Variants in ARHGEF28 observed in about 807,000 individuals in gnomAD.
The protein encoded by ARHGEF28 is 190 kDa guanine nucleotide exchange factor.
In ARHGEF28, 152 loss-of-function variants were observed where a neutral mutation model predicts 206.6. The observed-to-expected ratio is 0.74, with a 90% CI of 0.64 to 0.84. The LOEUF is 0.84. Ranked by LOEUF, ARHGEF28 falls within the 40% of genes least tolerant of loss-of-function variation. The probability of loss-of-function intolerance (pLI) is 0.00; values close to 1 mark genes in which losing one functional copy is unlikely to be tolerated. For missense variants in ARHGEF28, 2,028 were observed against 2,073.2 expected (o/e 0.98, Z 0.42); for synonymous variants, 763 against 776.4 (o/e 0.98, Z 0.29).
chr5:73,661,538 G>A (rs1220198237), intron 1 of ARHGEF28, among the ~76,000 whole-genome samples: 2 of 152,012 alleles, frequency 1.3e-5, no homozygotes, highest in East Asian at 1.9e-4. Flanking sequence ...GGCTTTTGAT[G>A]TGCCTTTCTC....
Position 73,776,524 on chromosome 5 carries a change from G to A in ARHGEF28, c.668G>A (p.Gly223Asp), listed in dbSNP as rs752794486. ...KLVEDVTNFQ[G>D]RWSPSFSRVQ... is the part of the protein sequence containing the mutation. ...GATTTGTGTTGTTTCAGTTTTCAGGGCAGATGGTCCCCAAGCTTCTCCCGA... is the reference window on the plus strand; with the variant it reads ...GATTTGTGTTGTTTCAGTTTTCAGGACAGATGGTCCCCAAGCTTCTCCCGA... Residue 223 changes from glycine to aspartate, a missense_variant, in exon 6 of 36, where the codon GGC becomes GAC. By Grantham distance (94) the Gly-to-Asp change is moderately conservative (BLOSUM62 -1). Transcript: ENST00000513042. The A allele has an allele frequency of 2.5e-6, 4 of 1,610,334 alleles. No individual in the cohort carries two copies. Among genetic ancestry groups the A allele is most frequent in the South Asian group, 2.2e-5 (2 of 90,500 alleles).
At chr5:73,665,839 A>T (rs983132089) in intron 1 of ARHGEF28, among the ~76,000 whole-genome samples, 4 of 152,186 alleles carry the variant, frequency 2.6e-5, no homozygotes, top group Admixed American at 2.6e-4. Flanking sequence ...TGGAGGACAC[A>T]TTCAAACCAT....
At chr5:73,678,666 A>G (rs1746855450) in intron 1 of ARHGEF28, among the ~76,000 whole-genome samples, 1 of 152,286 alleles carries the variant, frequency 6.6e-6, no homozygotes, top group Non-Finnish European at 1.5e-5. Context: ...TGAGCTTGCC[A>G]CACGCCACAG....
intron 1 of ARHGEF28, among the ~76,000 whole-genome samples, chr5:73,678,309 A>G (rs1746827467): frequency 6.6e-6 from 1 of 152,166 alleles, no homozygotes; most frequent in East Asian, 1.9e-4. Context: ...CAAGGAGTGA[A>G]AAGTGGTTGC....
intron 14 of ARHGEF28, among the ~76,000 whole-genome samples, chr5:73,854,724 C>G (rs936595006): frequency 6.6e-6 from 1 of 151,870 alleles, no homozygotes; most frequent in Non-Finnish European, 1.5e-5. Flanking sequence ...CACAGCTACT[C>G]AGGAGGCTGA....
At position 73,898,239 on chromosome 5, in the gene ARHGEF28, T is replaced by C. The variant is rs1762073812; in HGVS notation, c.3973+146T>C. 3 of 987,864 alleles carry C rather than the reference T, an allele frequency of 3.0e-6. No homozygotes were observed. The East Asian group carries it at 9.1e-5, about 30-fold the overall frequency. The allele number at this position is 987,864 out of a possible 1,614,324, so 61.2% of individuals were successfully genotyped here. A position where few individuals can be genotyped will look rare whatever the true frequency, so the allele number is the denominator to read the frequency against. ...ATTAGAAAAAAACTGAGAATAAATA[T>C]GCTAGCCTAAATGAATATCATAGGC... On this transcript the variant is annotated intron_variant, in intron 30 of 35. Transcript: ENST00000513042.
rs1466721135 is a variant in ARHGEF28, at chr5:73,872,987, C to T, written c.2567-12C>T. On this transcript the variant is annotated splice_polypyrimidine_tract_variant and intron_variant, in intron 21 of 35. Transcript: ENST00000513042. The stretch of plus-strand genomic sequence containing the variant: ...AGCTTGTTTAAGGCTTATGTGTGCT[C>T]ACACATTTCAGAGCTAATGCAAACA... 1 of 1,612,838 alleles carries T rather than the reference C, an allele frequency of 6.2e-7. No individual in the cohort carries two copies. The highest frequency in any genetic ancestry group is 1.7e-5 in the Admixed American group (1 of 59,962).
intron 33 of ARHGEF28, 31 bp downstream of exon 33, chr5:73,904,436 T>C: frequency 1.3e-6 from 2 of 1,575,970 alleles, no homozygotes; most frequent in Non-Finnish European, 1.7e-6. Context: ...TTTGACCTTG[T>C]GAATGGTTCT....
chr5:73,708,249 A>G (rs1304123156), intron 2 of ARHGEF28, among the ~76,000 whole-genome samples: 1 of 151,492 alleles, frequency 6.6e-6, no homozygotes, highest in Non-Finnish European at 1.5e-5. Flanking sequence ...GGTTTGTTAC[A>G]TGGGTATATT....
At chr5:73,651,220 G>A (rs1391498055) in intron 1 of ARHGEF28, among the ~76,000 whole-genome samples, 3 of 152,170 alleles carry the variant, frequency 2.0e-5, no homozygotes, top group African/African-American at 7.2e-5. Context: ...GAGCTCTGGA[G>A]TGAGATAGAC....
chr5:73,648,936 C>T (rs1220494381), intron 1 of ARHGEF28, among the ~76,000 whole-genome samples: 2 of 152,198 alleles, frequency 1.3e-5, no homozygotes, highest in Non-Finnish European at 2.9e-5. Context: ...TCACTTCAAT[C>T]AGGCAGTGCC....
At chr5:73,707,328 A>G (rs561245704) in intron 2 of ARHGEF28, among the ~76,000 whole-genome samples, 1 of 152,298 alleles carries the variant, frequency 6.6e-6, no homozygotes, top group South Asian at 2.1e-4. Flanking sequence ...TGGTGTCCGT[A>G]TGTAAAGTGT....
At chr5:73,697,382 G>A (rs1260338131) in intron 2 of ARHGEF28, among the ~76,000 whole-genome samples, 1 of 152,140 alleles carries the variant, frequency 6.6e-6, no homozygotes, top group African/African-American at 2.4e-5. Flanking sequence ...ACTTATAATA[G>A]AATACCTGAA....
In ARHGEF28 at chr5:73,818,008, C is replaced by T. The variant is rs564389757; in HGVS notation, c.1025-14330C>T. On this transcript the variant is annotated intron_variant, in intron 9 of 35. Transcript: ENST00000513042. The stretch of plus-strand genomic sequence containing the variant: ...CCTATACACAGATATAGTACTTAAA[C>T]ACATCATTGGATTGGGATTGGGAAC... Among the ~76,000 whole-genome samples, 4 of 152,242 alleles carry T rather than the reference C, an allele frequency of 2.6e-5. No homozygotes were observed. In the East Asian group the frequency reaches 7.7e-4, roughly 29 times the overall value.
At chr5:73,874,576 AC>A (rs1223019125) in intron 22 of ARHGEF28, among the ~76,000 whole-genome samples, 1 of 43,354 alleles carries the variant, frequency 2.3e-5, no homozygotes, top group East Asian at 8.5e-4. Flanking sequence ...CCCTCCCCCC[AC>A]CCCACAACAG....
At chr5:73,647,226 G>A (rs1744490426) in intron 1 of ARHGEF28, among the ~76,000 whole-genome samples, 1 of 152,050 alleles carries the variant, frequency 6.6e-6, no homozygotes, top group Non-Finnish European at 1.5e-5. Context: ...TAAAAATATT[G>A]TGTACAATTA....
chr5:73,716,262 G>C (rs1749576507), intron 2 of ARHGEF28, among the ~76,000 whole-genome samples: 2 of 152,188 alleles, frequency 1.3e-5, no homozygotes, highest in Non-Finnish European at 1.5e-5. Flanking sequence ...TTGAGAATCA[G>C]ATCAAAATTC....
chr5:73,764,059 T>A (rs934838997), intron 4 of ARHGEF28, among the ~76,000 whole-genome samples: 2 of 152,234 alleles, frequency 1.3e-5, no homozygotes, highest in African/African-American at 4.8e-5. Flanking sequence ...CTTTTATAGT[T>A]CTTGACAGCC....
intron 3 of ARHGEF28, among the ~76,000 whole-genome samples, chr5:73,752,372 T>C (rs1428750891): frequency 6.6e-6 from 1 of 152,038 alleles, no homozygotes; most frequent in African/African-American, 2.4e-5. Context: ...CACACACACA[T>C]AGATATGTAT....
Sources: gnomAD v4.1 joint callset for allele counts (sites outside exome capture counted in the v4.1 genomes callset) on GRCh38, gnomAD v4.1.1 for gene constraint, MANE v1.5 for transcripts, NCBI Gene and HGNC (gene_info 2026-07-23, HGNC 2026-07-21) for gene names.